KDM2B: variants seen among roughly 807,000 people sequenced by gnomAD.
KDM2B encodes the protein lysine-specific demethylase 2B.
KDM2B carries 26 observed loss-of-function variants against 150.0 expected under a neutral mutation model. That is an observed-to-expected ratio of 0.17 (90% confidence interval 0.13 to 0.24). KDM2B has a LOEUF of 0.24. KDM2B is among the 10% of genes least tolerant of loss of function. KDM2B has a pLI of 1.00. For missense variants in KDM2B, 1,265 were observed against 1,816.9 expected (o/e 0.70, Z 5.52); for synonymous variants, 734 against 729.5 (o/e 1.01, Z -0.10).
intron 12 of KDM2B, among the ~76,000 whole-genome samples, chr12:121,484,737 G>C (rs1882567373): frequency 6.6e-6 from 1 of 152,104 alleles, no homozygotes; most frequent in South Asian, 2.1e-4. Context: ...AGGATCCCTT[G>C]AGCCCGGGAG....
intron 12 of KDM2B, among the ~76,000 whole-genome samples, chr12:121,486,703 C>A (rs1882806803): frequency 6.6e-6 from 1 of 151,578 alleles, no homozygotes; most frequent in Admixed American, 6.6e-5. Flanking sequence ...GGAGAATTAC[C>A]TGAGCCCAGG....
At position 121,537,957 on chromosome 12, in the gene KDM2B, C is replaced by G. The variant is rs1555309026; in HGVS notation, c.684-3367G>C. On this transcript the variant is annotated intron_variant, in intron 6 of 22. Coordinates refer to ENST00000377071, the MANE Select transcript of KDM2B (RefSeq NM_032590.5). The surrounding 1 kb of genome is among the most constrained non-coding windows in gnomAD (Gnocchi z 8.7). ...GCTCCCGTGCGTCCCCTTCGGCTCC[C>G]GGGCGTCCCCTTCGGCTGCGGAGGC... Among the ~76,000 whole-genome samples, 1 of 150,304 alleles carries G rather than the reference C, an allele frequency of 6.7e-6. No individual in the cohort carries two copies. Among genetic ancestry groups the G allele is most frequent in the African/African-American group, 2.4e-5 (1 of 41,096 alleles).
intron 12 of KDM2B, among the ~76,000 whole-genome samples, chr12:121,490,649 C>A (rs1347239090): frequency 6.6e-6 from 1 of 152,174 alleles, no homozygotes; most frequent in Non-Finnish European, 1.5e-5. Context: ...CACCATCCTG[C>A]CCGTTGGTCA....
At chr12:121,491,475 G>C (rs1342356985) in intron 12 of KDM2B, among the ~76,000 whole-genome samples, 1 of 152,118 alleles carries the variant, frequency 6.6e-6, no homozygotes, top group Non-Finnish European at 1.5e-5. Flanking sequence ...TGGCTCTGAA[G>C]TTATTTACTT....
intron 6 of KDM2B, among the ~76,000 whole-genome samples, chr12:121,546,655 G>A (rs1232703794): frequency 8.0e-5 from 12 of 150,262 alleles, no homozygotes; most frequent in Admixed American, 5.3e-4. Flanking sequence ...TGCCCACCTC[G>A]GCCTCCCAAA....
chr12:121,456,972 C>A (rs2138990182), intron 12 of KDM2B, among the ~76,000 whole-genome samples: 1 of 152,276 alleles, frequency 6.6e-6, no homozygotes, highest in Middle Eastern at 3.4e-3. Flanking sequence ...CCTGGCTCAT[C>A]AAGAGTTGGT....
intron 12 of KDM2B, among the ~76,000 whole-genome samples, chr12:121,488,318 C>A (rs1555299319): frequency 6.6e-6 from 1 of 152,166 alleles, no homozygotes; most frequent in Admixed American, 6.6e-5. Flanking sequence ...CATCAAAAGC[C>A]TTCTGGGTGG....
At chr12:121,516,551 A>G (rs1413334644) in intron 9 of KDM2B, 8 of 1,448,602 alleles carry the variant, frequency 5.5e-6, no homozygotes, top group Non-Finnish European at 4.5e-6. Flanking sequence ...GTTGCTCAAC[A>G]TTATTTGTTG....
At chr12:121,494,486 C>G (rs1555300487) in intron 12 of KDM2B, 93 bp downstream of exon 12, 4 of 848,472 alleles carry the variant, frequency 4.7e-6, no homozygotes, top group Non-Finnish European at 7.8e-6. Context: ...TCAGGAGGCC[C>G]CATAGCTACC....
chr12:121,558,420 A>G (rs1390138800), intron 4 of KDM2B, among the ~76,000 whole-genome samples: 2 of 151,130 alleles, frequency 1.3e-5, no homozygotes, highest in African/African-American at 2.4e-5. Flanking sequence ...AAGGACAGAC[A>G]TGTGTGGAGA....
chr12:121,463,293 A>G (rs2139283488), intron 12 of KDM2B, among the ~76,000 whole-genome samples: 1 of 151,976 alleles, frequency 6.6e-6, no homozygotes, highest in South Asian at 2.1e-4. Flanking sequence ...TCCAGCCTGG[A>G]CAACAGAGCG....
At position 121,532,966 on chromosome 12, in the gene KDM2B, A is replaced by C. The variant is rs782215042; in HGVS notation, c.778-7T>G. On this transcript the variant is annotated splice_region_variant and splice_polypyrimidine_tract_variant and intron_variant, in intron 7 of 22. Transcript: ENST00000377071. ...GAGGAATCAGCCAAAAAATCTTGGG[A>C]GAAAACACAGGCAGTCAGCTGGAGA... 9.3e-6 allele frequency: 15 copies of C among 1,614,034 alleles called. No individual in the cohort carries two copies. The South Asian group carries it at 1.6e-4, about 18-fold the overall frequency.
intron 12 of KDM2B, among the ~76,000 whole-genome samples, chr12:121,481,810 C>T (rs1226746009): frequency 6.6e-6 from 1 of 151,620 alleles, no homozygotes; most frequent in African/African-American, 2.4e-5. Context: ...CAGAGTTTTG[C>T]TCTTGTTGCC....
chr12:121,580,904 C>A lies in KDM2B; in HGVS notation c.8G>T (p.Gly3Val). ...CTCTGCAGATCCCCCCATTTGCGGA[C>A]CCGCCATGTGGAGGAGGCATTTGGG... MA[G>V]PQMGGSAEDH... Residue 3 changes from glycine (G) to valine (V), a missense_variant, in exon 1 of 23, where the codon GGT becomes GTT. Coordinates refer to ENST00000377071, the MANE Select transcript of KDM2B (RefSeq NM_032590.5). 1 of 1,613,692 alleles carries A rather than the reference C, an allele frequency of 6.2e-7. No homozygotes were observed. Among genetic ancestry groups the A allele is most frequent in the Non-Finnish European group, 8.5e-7 (1 of 1,179,818 alleles).
intron 12 of KDM2B, among the ~76,000 whole-genome samples, chr12:121,483,602 G>A (rs1328595757): frequency 2.0e-5 from 3 of 147,010 alleles, no homozygotes; most frequent in Non-Finnish European, 1.5e-5. Context: ...CCTTGAGTCC[G>A]GGAGGTGTAG....
rs202221991 is a variant in KDM2B at position 121,441,242 on chromosome 12, C to A, written c.3285-9G>T. On this transcript the variant is annotated splice_polypyrimidine_tract_variant and intron_variant, in intron 19 of 22. Transcript: ENST00000377071. ...ACCGCTTATCGCAGCACCTGGGGAC[C>A]GGCCCCGTGGGGACACATCGTCAGA... The A allele has an allele frequency of 3.1e-6, 5 of 1,612,696 alleles. No homozygotes were observed. Among genetic ancestry groups the A allele is most frequent in the Non-Finnish European group, 4.2e-6 (5 of 1,179,222 alleles).
chr12:121,489,699 C>T (rs1555299582), intron 12 of KDM2B, among the ~76,000 whole-genome samples: 1 of 152,168 alleles, frequency 6.6e-6, no homozygotes, highest in African/African-American at 2.4e-5. Flanking sequence ...CTCAGCCTCC[C>T]GAAGTGCTGG....
chr12:121,580,410 G>C, intron 1 of KDM2B: 4 of 1,152,944 alleles, frequency 3.5e-6, no homozygotes, highest in Non-Finnish European at 4.3e-6. Context: ...GAGGGAGCCC[G>C]GGAGGCACCG....
At chr12:121,539,326 CAAAAAAAAAAAAAAA>C (rs60048517) in intron 6 of KDM2B, among the ~76,000 whole-genome samples, 1 of 58,616 alleles carries the variant, frequency 1.7e-5, no homozygotes, top group South Asian at 8.3e-4. Flanking sequence ...GACCCTCTCC[CAAAAAAAAAAAAAAA>C]AAAAAAAAAA....
Sources: gnomAD v4.1 joint callset for allele counts (sites outside exome capture counted in the v4.1 genomes callset) on GRCh38, gnomAD v4.1.1 for gene constraint, Gnocchi (gnomAD v3.1) non-coding constraint, MANE v1.5 for transcripts, NCBI Gene and HGNC (gene_info 2026-07-23, HGNC 2026-07-21) for gene names.